The following NAALADL2 variants were observed in gnomAD, a reference collection of about 807,000 sequenced individuals.
NAALADL2 encodes the protein inactive N-acetylated-alpha-linked acidic dipeptidase-like protein 2.
NAALADL2 carries 76 observed loss-of-function variants against 87.2 expected under a neutral mutation model. That is an observed-to-expected ratio of 0.87 (90% CI 0.72 to 1.05). NAALADL2 has a LOEUF of 1.05. NAALADL2 is among the 50% of genes least tolerant of loss of function. The pLI is 0.00. For missense variants in NAALADL2, 1,089 were observed against 945.8 expected (o/e 1.15, Z -1.99); for synonymous variants, 354 against 331.0 (o/e 1.07, Z -0.75).
intron 1 of NAALADL2, among the ~76,000 whole-genome samples, chr3:174,486,975 C>G (rs999270047): frequency 1.3e-5 from 2 of 151,940 alleles, no homozygotes; most frequent in African/African-American, 4.8e-5. Context: ...AATTCATGAT[C>G]CAAGCTGTGT....
At chr3:174,836,513 A>C (rs1723340298) in intron 3 of NAALADL2, among the ~76,000 whole-genome samples, 1 of 152,102 alleles carries the variant, frequency 6.6e-6, no homozygotes, top group Non-Finnish European at 1.5e-5. Context: ...CATCCTGGCT[A>C]ACACGGTGAA....
intron 5 of NAALADL2, among the ~76,000 whole-genome samples, chr3:175,402,582 T>A (rs1711526834): frequency 6.6e-6 from 1 of 152,110 alleles, no homozygotes; most frequent in Non-Finnish European, 1.5e-5. Flanking sequence ...CAGGTGTATA[T>A]AATTTTTCCA....
chr3:174,927,510 C>T (rs142890165), intron 1 of NAALADL2, among the ~76,000 whole-genome samples: 5 of 152,316 alleles, frequency 3.3e-5, no homozygotes, highest in African/African-American at 9.6e-5. Flanking sequence ...CAAACTGTCT[C>T]TCACATCACA....
intron 5 of NAALADL2, among the ~76,000 whole-genome samples, chr3:175,407,477 A>G (rs752127854): frequency 6.6e-6 from 1 of 152,226 alleles, no homozygotes; most frequent in Non-Finnish European, 1.5e-5. Flanking sequence ...CTTCTACATT[A>G]CAAACCTCAA....
intron 1 of NAALADL2, among the ~76,000 whole-genome samples, chr3:175,032,197 G>C (rs944525660): frequency 2.6e-5 from 4 of 151,854 alleles, no homozygotes; most frequent in Non-Finnish European, 5.9e-5. Flanking sequence ...CAGGGCTGAT[G>C]TCCAGATGGG....
At chr3:174,587,199 A>T (rs1017420825) in intron 2 of NAALADL2, among the ~76,000 whole-genome samples, 3 of 152,036 alleles carry the variant, frequency 2.0e-5, no homozygotes, top group African/African-American at 7.2e-5. Flanking sequence ...TTCCATGGTG[A>T]ATATGTGCCA....
chr3:175,537,437 A>G (rs570239724), intron 9 of NAALADL2, among the ~76,000 whole-genome samples: 279 of 152,358 alleles, frequency 1.8e-3, no homozygotes, highest in Non-Finnish European at 3.1e-3. Context: ...GCTCACAAAA[A>G]GTGTAGGACA....
At chr3:175,714,054 A>T (rs1344818874) in intron 11 of NAALADL2, among the ~76,000 whole-genome samples, 1 of 152,158 alleles carries the variant, frequency 6.6e-6, no homozygotes, top group Non-Finnish European at 1.5e-5. Flanking sequence ...TACAAAGGAC[A>T]TGAACTCATC....
chr3:174,767,250 A>G lies in NAALADL2; in HGVS notation c.-9+29504A>G, dbSNP rs147312837. Among the ~76,000 whole-genome samples, 800 of 152,330 alleles carry G rather than the reference A, an allele frequency of 5.3e-3. 8 individuals carry two copies. Among genetic ancestry groups the G allele is most frequent in the African/African-American group, 0.019 (770 of 41,566 alleles). On this transcript the variant is annotated intron_variant, in intron 3 of 3. Coordinates refer to the NAALADL2 transcript ENST00000434257. ...AGTCGATTTAATAATAAATGATATC[A>G]GAGCAGATTAGACCTTTCAAATCTT... is the stretch of plus-strand genomic sequence containing the variant.
chr3:174,441,186 C>G (rs1020110196), intron 1 of NAALADL2, among the ~76,000 whole-genome samples: 1 of 151,968 alleles, frequency 6.6e-6, no homozygotes, highest in Non-Finnish European at 1.5e-5. Context: ...GCGCGGGGCC[C>G]GGGGCGCCGA....
intron 1 of NAALADL2, among the ~76,000 whole-genome samples, chr3:174,479,580 C>G (rs1000719900): frequency 6.6e-6 from 1 of 152,048 alleles, no homozygotes; most frequent in Non-Finnish European, 1.5e-5. Flanking sequence ...TAAGGATGGT[C>G]TATCTAACAC....
At chr3:175,060,629 C>G (rs1309630769) in intron 1 of NAALADL2, among the ~76,000 whole-genome samples, 2 of 152,152 alleles carry the variant, frequency 1.3e-5, no homozygotes, top group Admixed American at 6.5e-5. Context: ...ATGATCTTTA[C>G]TATCTGGGCA....
chr3:175,224,614 C>T (rs1205374173), intron 2 of NAALADL2, among the ~76,000 whole-genome samples: 3 of 152,098 alleles, frequency 2.0e-5, no homozygotes, highest in Middle Eastern at 3.2e-3. Flanking sequence ...AAAGTCTGCT[C>T]TTCTGGTATC....
At chr3:175,382,392 TA>T (rs1276991067) in intron 5 of NAALADL2, among the ~76,000 whole-genome samples, 4 of 151,932 alleles carry the variant, frequency 2.6e-5, no homozygotes, top group African/African-American at 9.7e-5. Context: ...TTTGTTTTTT[TA>T]AATATGTTTT....
At chr3:175,458,866 G>T (rs965452735) in intron 6 of NAALADL2, among the ~76,000 whole-genome samples, 5 of 152,016 alleles carry the variant, frequency 3.3e-5, no homozygotes, top group Non-Finnish European at 7.4e-5. Context: ...ACTCCACCCA[G>T]GCTCTAACAC....
intron 2 of NAALADL2, among the ~76,000 whole-genome samples, chr3:174,732,647 G>A (rs1402844359): frequency 6.6e-6 from 1 of 152,082 alleles, no homozygotes; most frequent in Non-Finnish European, 1.5e-5. Context: ...TTAACTTATG[G>A]TGGGTTTTCA....
chr3:175,324,329 AG>A lies in NAALADL2; in HGVS notation c.1090+5del. Reference sequence around the variant, plus strand: ...ACGCCTGGTTACCCAAGTGTCGGTAAGTTTGTTGGTCATCATTATTATACTT... The same window carrying A: ...ACGCCTGGTTACCCAAGTGTCGGTAATTTGTTGGTCATCATTATTATACTT... On this transcript the variant is annotated splice_donor_5th_base_variant and intron_variant, in intron 5 of 13. Transcript: ENST00000454872. The A allele has an allele frequency of 1.9e-6, 3 of 1,607,392 alleles. No individual in the cohort carries two copies. Among genetic ancestry groups the A allele is most frequent in the Non-Finnish European group, 2.5e-6 (3 of 1,177,600 alleles).
intron 2 of NAALADL2, among the ~76,000 whole-genome samples, chr3:175,211,072 A>G (rs1741705983): frequency 6.6e-6 from 1 of 151,874 alleles, no homozygotes; most frequent in Non-Finnish European, 1.5e-5. Context: ...TCTAACCAGG[A>G]TAGAAATCCC....
chr3:175,804,267 T>C lies in NAALADL2; in HGVS notation c.*1064T>C, dbSNP rs1414625433. 1 of 151,880 alleles carries C rather than the reference T, an allele frequency of 6.6e-6. No individual in the cohort carries two copies. Among genetic ancestry groups the C allele is most frequent in the African/African-American group, 2.4e-5 (1 of 41,418 alleles). 9.4% of individuals were successfully genotyped at this position (151,880 alleles called of 1,614,324 possible). ...GCCCCTTAATATTATGAAGAAACTT[T>C]TCATATTTTTTCTTCTTTATCCTTA... is the stretch of plus-strand genomic sequence containing the variant. On this transcript the variant is annotated 3_prime_UTR_variant, in exon 14 of 14. Transcript: ENST00000454872.
Sources: allele counts gnomAD v4.1 joint callset (sites outside exome capture counted in the v4.1 genomes callset), GRCh38; gene constraint gnomAD v4.1.1; transcripts MANE v1.5; gene names NCBI Gene and HGNC (gene_info 2026-07-23, HGNC 2026-07-21).